AAK1: variants seen among roughly 807,000 people sequenced by gnomAD.
The protein encoded by AAK1 is AP2-associated protein kinase 1.
A neutral mutation model predicts 116.0 loss-of-function variants in AAK1; 37 were observed. The ratio of observed to expected loss-of-function variants is 0.32; its 90% CI spans 0.25 to 0.42. The LOEUF (loss-of-function observed/expected upper bound fraction) is 0.42, where lower values mean the gene tolerates loss of function less well. Ranked by LOEUF, AAK1 falls within the 10% of genes least tolerant of loss-of-function variation. AAK1 has a pLI of 1.00. For synonymous variants in AAK1, 458 were observed against 439.9 expected, an observed-to-expected ratio of 1.04 and a Z score of -0.51; for missense variants, 919 against 1,170.6, an observed-to-expected ratio of 0.79 and a Z score of 3.14.
chr2:69,519,802 C>T (rs1030912874), intron 11 of AAK1, among the ~76,000 whole-genome samples: 1 of 152,048 alleles, frequency 6.6e-6, no homozygotes, highest in Non-Finnish European at 1.5e-5. Flanking sequence ...TTAGATACTT[C>T]AAGAGACAAA....
chr2:69,625,098 T>C (rs775578604), intron 2 of AAK1, among the ~76,000 whole-genome samples: 1 of 152,316 alleles, frequency 6.6e-6, no homozygotes, highest in East Asian at 1.9e-4. Flanking sequence ...CATAAAAAAA[T>C]GGTTTCTGTG....
At position 69,464,542 on chromosome 2, in the gene AAK1, C is replaced by G. The variant is rs1442862307; in HGVS notation, c.*11327G>C. ...AAAACTAAATAAATAAAATGGGGTT[C>G]AAGTCAGTTAGGCGAGCAAACACCA... On this transcript the variant is annotated 3_prime_UTR_variant, in exon 22 of 22. Coordinates refer to ENST00000409085, the MANE Select transcript of AAK1 (RefSeq NM_014911.5). The G allele has an allele frequency of 6.6e-6, 1 of 152,500 alleles. No homozygotes were observed. Among genetic ancestry groups the G allele is most frequent in the Non-Finnish European group, 1.5e-5 (1 of 68,020 alleles). 9.4% of individuals were successfully genotyped at this position (152,500 alleles called of 1,614,324 possible).
Position 69,552,339 on chromosome 2 carries a change from T to C in AAK1, c.282+4521A>G, listed in dbSNP as rs114315689. Among the ~76,000 whole-genome samples, 541 of 152,280 alleles carry C rather than the reference T, an allele frequency of 3.6e-3. 3 individuals carry two copies. Among genetic ancestry groups the C allele is most frequent in the African/African-American group, 0.012 (509 of 41,572 alleles). ...TTAACCAAGATATTAAATGACAGCC[T>C]TTTCAATAAATGGTACTAAGAGCAA... On this transcript the variant is annotated intron_variant, in intron 3 of 21. Coordinates refer to ENST00000409085, the MANE Select transcript of AAK1 (RefSeq NM_014911.5).
In AAK1 at chr2:69,466,694, T is replaced by A. The variant is rs1674497404; in HGVS notation, c.*9175A>T. 1.8e-6 allele frequency: 2 copies of A among 1,111,154 alleles called. No homozygotes were observed. Among genetic ancestry groups the A allele is most frequent in the African/African-American group, 3.3e-5 (2 of 60,368 alleles). 68.8% of individuals were successfully genotyped at this position (1,111,154 alleles called of 1,614,324 possible). ...AACAGGAAAAACATAAAAATAAAAGTCAGGCAAGGAAACTGCACACAAACT... is the reference window on the plus strand; with the variant it reads ...AACAGGAAAAACATAAAAATAAAAGACAGGCAAGGAAACTGCACACAAACT... On this transcript the variant is annotated 3_prime_UTR_variant, in exon 22 of 22. Coordinates refer to ENST00000409085, the MANE Select transcript of AAK1 (RefSeq NM_014911.5).
intron 2 of AAK1, among the ~76,000 whole-genome samples, chr2:69,599,479 T>A (rs933410320): frequency 5.3e-5 from 8 of 152,170 alleles, no homozygotes; most frequent in African/African-American, 1.9e-4. Context: ...AGTATTTCAG[T>A]TATCAAGTAT....
At position 69,466,563 on chromosome 2, in the gene AAK1, T is replaced by C. The variant is rs1674492139; in HGVS notation, c.*9306A>G. ...CTCCCTCTGGAGATCTAGAAAAGCATAAAATGCAGAATTAATGTGTAGGTC... is the reference window on the plus strand; with the variant it reads ...CTCCCTCTGGAGATCTAGAAAAGCACAAAATGCAGAATTAATGTGTAGGTC... On this transcript the variant is annotated 3_prime_UTR_variant, in exon 22 of 22. Coordinates refer to ENST00000409085, the MANE Select transcript of AAK1 (RefSeq NM_014911.5). 13 of 1,180,512 alleles carry C rather than the reference T, an allele frequency of 1.1e-5. 1 individual carries two copies. The highest frequency in any genetic ancestry group is 2.5e-4 in the Middle Eastern group (1 of 3,958). 73.1% of individuals were successfully genotyped at this position (1,180,512 alleles called of 1,614,324 possible).
intron 13 of AAK1, among the ~76,000 whole-genome samples, 190 bp from the exon 14 acceptor site, chr2:69,509,650 G>A (rs781456507): frequency 7.6e-4 from 115 of 152,286 alleles, no homozygotes; most frequent in Non-Finnish European, 1.2e-3. Context: ...CTGCAACTTT[G>A]AGACTGATAA....
At position 69,507,584 on chromosome 2, in the gene AAK1, T is replaced by C. The variant is rs773469113; in HGVS notation, c.2007-6A>G. The C allele has an allele frequency of 2.5e-6, 4 of 1,601,516 alleles. No individual in the cohort carries two copies. In the South Asian group the frequency reaches 3.4e-5, roughly 14 times the overall value. On this transcript the variant is annotated splice_region_variant and splice_polypyrimidine_tract_variant and intron_variant, in intron 14 of 21. Transcript: ENST00000409085. ...ATGGAGTGGTGGTTGCAGACCTAGG[T>C]AGGTTCCCACCCCCACGAAACAAAA...
At chr2:69,587,729 G>C (rs1672852342) in intron 2 of AAK1, among the ~76,000 whole-genome samples, 1 of 151,890 alleles carries the variant, frequency 6.6e-6, no homozygotes, top group Admixed American at 6.6e-5. Flanking sequence ...GCCTCCCAAA[G>C]TGCTGAGATT....
Position 69,467,697 on chromosome 2 carries a change from A to C in AAK1, c.*8172T>G. On this transcript the variant is annotated 3_prime_UTR_variant, in exon 22 of 22. Coordinates refer to ENST00000409085, the MANE Select transcript of AAK1 (RefSeq NM_014911.5). The stretch of plus-strand genomic sequence containing the variant: ...TCCCATACTGACCCTCTCCCCTCCT[A>C]TGCAAACCATTAGCTAGCAGAAATT... The C allele has an allele frequency of 1.0e-6, 1 of 985,442 alleles. No individual in the cohort carries two copies. The highest frequency in any genetic ancestry group is 4.7e-5 in the South Asian group (1 of 21,282). 61.0% of individuals were successfully genotyped at this position (985,442 alleles called of 1,614,324 possible).
At chr2:69,476,063 A>AAAACCG (rs1674846072) in intron 21 of AAK1, 100 bp from the exon 22 acceptor site, 4 of 1,480,718 alleles carry the variant, frequency 2.7e-6, no homozygotes, top group Middle Eastern at 3.9e-4. Flanking sequence ...AACCAAAACC[A>AAAACCG]AAACAAAAAA....
chr2:69,562,638 T>A (rs1413262187), intron 2 of AAK1, among the ~76,000 whole-genome samples: 1 of 152,136 alleles, frequency 6.6e-6, no homozygotes, highest in African/African-American at 2.4e-5. Context: ...ATGTCTGTAA[T>A]CCCAGCATTT....
intron 2 of AAK1, among the ~76,000 whole-genome samples, chr2:69,633,203 A>T (rs1308233757): frequency 1.4e-5 from 2 of 138,764 alleles, no homozygotes; most frequent in African/African-American, 2.8e-5. Flanking sequence ...TGGGCAACAG[A>T]GTGAGACTCT....
rs1348806133 is a variant in AAK1 at position 69,475,519 on chromosome 2, A to G, written c.*350T>C. 1 of 1,045,700 alleles carries G rather than the reference A, an allele frequency of 9.6e-7. No individual in the cohort carries two copies. Among genetic ancestry groups the G allele is most frequent in the Non-Finnish European group, 1.2e-6 (1 of 867,310 alleles). 64.8% of individuals were successfully genotyped at this position (1,045,700 alleles called of 1,614,324 possible). On this transcript the variant is annotated 3_prime_UTR_variant, in exon 22 of 22. Coordinates refer to ENST00000409085, the MANE Select transcript of AAK1 (RefSeq NM_014911.5). ...GGCCATTCCTAGCAAGAACGAGACA[A>G]AAGTGTCAATTCACTAGTTTCAGTT...
Position 69,466,689 on chromosome 2 carries a change from A to G in AAK1, c.*9180T>C. On this transcript the variant is annotated 3_prime_UTR_variant, in exon 22 of 22. Coordinates refer to ENST00000409085, the MANE Select transcript of AAK1 (RefSeq NM_014911.5). ...AATGCAACAGGAAAAACATAAAAAT[A>G]AAAGTCAGGCAAGGAAACTGCACAC... 2 of 1,113,978 alleles carry G rather than the reference A, an allele frequency of 1.8e-6. No homozygotes were observed. The highest frequency in any genetic ancestry group is 2.2e-5 in the South Asian group (1 of 46,138). The allele number at this position is 1,113,978 out of a possible 1,614,324, so 69.0% of individuals were successfully genotyped here. A position where few individuals can be genotyped will look rare whatever the true frequency, so the allele number is the denominator to read the frequency against.
chr2:69,585,574 C>G (rs151221732), intron 2 of AAK1, among the ~76,000 whole-genome samples: 5 of 152,330 alleles, frequency 3.3e-5, no homozygotes, highest in African/African-American at 1.2e-4. Context: ...TAACGCTACC[C>G]TCCTCTCCAG....
rs1674671239 is a variant in AAK1 at position 69,471,395 on chromosome 2, A to G, written c.*4474T>C. 1.0e-6 allele frequency: 1 copy of G among 985,302 alleles called. No homozygotes were observed. The highest frequency in any genetic ancestry group is 1.2e-6 in the Non-Finnish European group (1 of 829,934). The allele number at this position is 985,302 out of a possible 1,614,324, so 61.0% of individuals were successfully genotyped here. On this transcript the variant is annotated 3_prime_UTR_variant, in exon 22 of 22. Transcript: ENST00000409085. Reference sequence around the variant, plus strand: ...AAGCACATCCAACTTCAGAAACATTACTAATGTGGAAAAAGAAAAGGCTGA... The same window carrying G: ...AAGCACATCCAACTTCAGAAACATTGCTAATGTGGAAAAAGAAAAGGCTGA...
intron 2 of AAK1, among the ~76,000 whole-genome samples, chr2:69,584,404 T>C (rs1672677865): frequency 6.6e-6 from 1 of 152,176 alleles, no homozygotes; most frequent in African/African-American, 2.4e-5. Context: ...TAATACCATG[T>C]TTTGATAAAA....
At chr2:69,521,346 T>C (rs1227297687) in intron 10 of AAK1, among the ~76,000 whole-genome samples, 1 of 152,226 alleles carries the variant, frequency 6.6e-6, no homozygotes, top group African/African-American at 2.4e-5. Context: ...CTCCTAGGAT[T>C]TCCCAAAATA....
Sources: allele counts gnomAD v4.1 joint callset (sites outside exome capture counted in the v4.1 genomes callset), GRCh38; gene constraint gnomAD v4.1.1; transcripts MANE v1.5; gene names NCBI Gene and HGNC (gene_info 2026-07-23, HGNC 2026-07-21).